The following CDK14 variants were observed in gnomAD, a reference collection of about 807,000 sequenced individuals.
CDK14 encodes cyclin dependent kinase 14.
Under a neutral mutation model 60.7 loss-of-function variants are expected in CDK14, and 34 were observed. The observed-to-expected ratio is 0.56, with a 90% CI of 0.43 to 0.75. The LOEUF (loss-of-function observed/expected upper bound fraction) is 0.75, where lower values mean the gene tolerates loss of function less well. Among genes scored for constraint, CDK14 ranks in the 30% least tolerant of loss-of-function variants. The pLI, the probability that CDK14 is intolerant of heterozygous loss-of-function variation, is 0.00. For synonymous variants in CDK14, 197 were observed against 203.7 expected (o/e 0.97, Z 0.28); for missense variants, 482 against 564.1 (o/e 0.85, Z 1.47).
intron 3 of CDK14, among the ~76,000 whole-genome samples, chr7:90,738,394 G>T (rs1397022848): frequency 6.6e-6 from 1 of 152,124 alleles, no homozygotes; most frequent in East Asian, 1.9e-4. Flanking sequence ...TTATTACACA[G>T]ACAATGAACT....
intron 5 of CDK14, among the ~76,000 whole-genome samples, chr7:90,835,662 C>T (rs1790070883): frequency 6.6e-6 from 1 of 152,168 alleles, no homozygotes; most frequent in African/African-American, 2.4e-5. Flanking sequence ...CTCTCACTTC[C>T]TTCCAAGTCA....
intron 10 of CDK14, among the ~76,000 whole-genome samples, chr7:91,016,258 A>T (rs1796299957): frequency 1.3e-5 from 2 of 151,964 alleles, no homozygotes; most frequent in African/African-American, 4.8e-5. Flanking sequence ...CTGACAAAAC[A>T]TAGTACTCTA....
intron 8 of CDK14, among the ~76,000 whole-genome samples, chr7:90,943,722 G>T (rs1055544368): frequency 6.6e-6 from 1 of 152,158 alleles, no homozygotes; most frequent in African/African-American, 2.4e-5. Context: ...GAGCTTTAAC[G>T]TGATTCAACT....
At chr7:91,024,604 T>C (rs1796522088) in intron 10 of CDK14, among the ~76,000 whole-genome samples, 1 of 152,186 alleles carries the variant, frequency 6.6e-6, no homozygotes, top group Non-Finnish European at 1.5e-5. Flanking sequence ...TGAGCCGAGA[T>C]TGTGCCACTG....
chr7:90,931,930 C>T (rs1017139461), intron 8 of CDK14, among the ~76,000 whole-genome samples: 4 of 152,018 alleles, frequency 2.6e-5, no homozygotes, highest in East Asian at 1.9e-4. Flanking sequence ...CACATGAATA[C>T]GTTTTTTTTT....
At position 90,660,564 on chromosome 7, in the gene CDK14, A is replaced by G. The variant is rs553293953; in HGVS notation, c.123+56315A>G. ...ACCCTGCTAAGTGCAGTGAGAAGAT[A>G]AAAGAGAATTTCTGGTGTCAAAATG... is the stretch of plus-strand genomic sequence containing the variant. On this transcript the variant is annotated intron_variant, in intron 2 of 14. Coordinates refer to ENST00000380050, the MANE Select transcript of CDK14 (RefSeq NM_001287135.2). 1.3e-3 allele frequency among the ~76,000 whole-genome samples: 197 copies of G among 152,358 alleles called. 1 individual carries two copies. Among genetic ancestry groups the G allele is most frequent in the Middle Eastern group, 3.4e-3 (1 of 294 alleles).
At chr7:90,873,782 T>C (rs1791456182) in intron 6 of CDK14, among the ~76,000 whole-genome samples, 1 of 152,212 alleles carries the variant, frequency 6.6e-6, no homozygotes, top group Non-Finnish European at 1.5e-5. Flanking sequence ...TATTCATCTT[T>C]GGCATAATCT....
intron 14 of CDK14, among the ~76,000 whole-genome samples, chr7:91,183,920 T>C (rs1008266992): frequency 2.6e-5 from 4 of 152,140 alleles, no homozygotes; most frequent in African/African-American, 9.7e-5. Flanking sequence ...CTTGGCCCAG[T>C]GTGTTGGCTC....
intron 14 of CDK14, among the ~76,000 whole-genome samples, chr7:91,199,592 T>C (rs2115986344): frequency 6.6e-6 from 1 of 152,338 alleles, no homozygotes; most frequent in South Asian, 2.1e-4. Context: ...TTAATGAGGA[T>C]TTCAATAAAT....
chr7:91,152,946 A>G (rs1800866653), intron 14 of CDK14, among the ~76,000 whole-genome samples: 1 of 152,216 alleles, frequency 6.6e-6, no homozygotes, highest in African/African-American at 2.4e-5. Flanking sequence ...GAAGCCCCAA[A>G]TAGTTTATAG....
chr7:91,205,797 AT>A (rs796992966), intron 14 of CDK14, among the ~76,000 whole-genome samples: 2 of 151,650 alleles, frequency 1.3e-5, no homozygotes, highest in African/African-American at 4.8e-5. Context: ...TTTTATTTTT[AT>A]TTTTTTTATT....
intron 11 of CDK14, among the ~76,000 whole-genome samples, chr7:91,069,569 AAC>A (rs1434672809): frequency 6.6e-6 from 1 of 152,156 alleles, no homozygotes; most frequent in African/African-American, 2.4e-5. Flanking sequence ...AAAAGCAGAC[AAC>A]ACTGAAAAAG....
intron 9 of CDK14, among the ~76,000 whole-genome samples, chr7:90,975,098 C>G (rs182438779): frequency 6.6e-6 from 1 of 152,070 alleles, no homozygotes; most frequent in Non-Finnish European, 1.5e-5. Context: ...AGTTAGGGGA[C>G]CTAACATAGC....
chr7:90,835,350 G>T (rs1790059670), intron 5 of CDK14, among the ~76,000 whole-genome samples: 1 of 152,012 alleles, frequency 6.6e-6, no homozygotes. Flanking sequence ...ATAAGATGGT[G>T]CTCTAGGGTA....
chr7:90,935,221 G>A (rs1401979533), intron 8 of CDK14, among the ~76,000 whole-genome samples: 1 of 152,078 alleles, frequency 6.6e-6, no homozygotes, highest in African/African-American at 2.4e-5. Context: ...CATTCATGAG[G>A]GCAGAGCTCT....
chr7:90,947,853 G>A (rs143581956), intron 8 of CDK14, among the ~76,000 whole-genome samples: 319 of 152,176 alleles, frequency 2.1e-3, no homozygotes, highest in Non-Finnish European at 4.0e-3. Flanking sequence ...AAATATGTAT[G>A]TATAATAAAT....
At chr7:91,068,673 A>G (rs897599431) in intron 11 of CDK14, among the ~76,000 whole-genome samples, 2 of 152,024 alleles carry the variant, frequency 1.3e-5, no homozygotes, top group African/African-American at 4.8e-5. Context: ...TTCTCACTGC[A>G]TTCACTCGGT....
chr7:90,891,920 C>G (rs558218585), intron 6 of CDK14, among the ~76,000 whole-genome samples: 1 of 152,346 alleles, frequency 6.6e-6, no homozygotes, highest in South Asian at 2.1e-4. Context: ...CTCTGAGGAA[C>G]TTTCTATCTC....
At chr7:90,881,323 C>G (rs1791745763) in intron 6 of CDK14, among the ~76,000 whole-genome samples, 1 of 151,950 alleles carries the variant, frequency 6.6e-6, no homozygotes, top group Admixed American at 6.6e-5. Flanking sequence ...CTGAATAGAC[C>G]AGGCAGAAAG....
Sources: allele counts gnomAD v4.1 joint callset (sites outside exome capture counted in the v4.1 genomes callset), GRCh38; gene constraint gnomAD v4.1.1; transcripts MANE v1.5; gene names NCBI Gene and HGNC (gene_info 2026-07-23, HGNC 2026-07-21).